Variants in HGD observed in about 807,000 individuals in gnomAD.
HGD encodes the protein homogentisate 1,2-dioxygenase.
A neutral mutation model predicts 60.8 loss-of-function variants in HGD; 61 were observed. The ratio of observed to expected loss-of-function variants is 1.00; its 90% CI spans 0.82 to 1.24. HGD has a LOEUF of 1.24. Ranked by LOEUF, HGD falls within the 50% of genes most tolerant of loss-of-function variation. HGD has a pLI of 0.00. For synonymous variants in HGD, 212 were observed against 187.7 expected, an observed-to-expected ratio of 1.13 and a Z score of -1.06; for missense variants, 542 against 547.1, an observed-to-expected ratio of 0.99 and a Z score of 0.09.
chr3:120,652,544 A>G, intron 5 of HGD, 48 bp downstream of exon 5: 3 of 1,421,516 alleles, frequency 2.1e-6, no homozygotes, highest in Middle Eastern at 1.7e-4. Context: ...CTCACTCACC[A>G]CAGAAGAGAG....
intron 10 of HGD, among the ~76,000 whole-genome samples, chr3:120,643,691 T>A (rs1941067166): frequency 6.6e-6 from 1 of 152,206 alleles, no homozygotes; most frequent in Non-Finnish European, 1.5e-5. Flanking sequence ...GATCTTTGGG[T>A]TCTTCTTATT....
At chr3:120,648,892 T>C (rs893207559) in intron 6 of HGD, among the ~76,000 whole-genome samples, 3 of 152,146 alleles carry the variant, frequency 2.0e-5, no homozygotes, top group African/African-American at 7.2e-5. Flanking sequence ...CCTGGACACA[T>C]TGGGCCTCAG....
chr3:120,643,405 T>C (rs1307881153), intron 10 of HGD, among the ~76,000 whole-genome samples: 3 of 152,236 alleles, frequency 2.0e-5, no homozygotes, highest in African/African-American at 7.2e-5. Flanking sequence ...ATTACAGGCA[T>C]GAGCCACCAT....
At chr3:120,670,151 T>A in intron 4 of HGD, 1 of 463,674 alleles carries the variant, frequency 2.2e-6, no homozygotes, top group East Asian at 4.1e-5. Context: ...GCCATGATTG[T>A]AAGTTTCTTG....
intron 5 of HGD, 37 bp downstream of exon 5, chr3:120,652,555 G>A: frequency 6.8e-7 from 1 of 1,479,302 alleles, no homozygotes; most frequent in Non-Finnish European, 9.5e-7. Context: ...CAGAAGAGAG[G>A]AGAGCAGTAG....
chr3:120,646,139 A>C, intron 9 of HGD, 128 bp downstream of exon 9: 1 of 727,490 alleles, frequency 1.4e-6, no homozygotes, highest in Non-Finnish European at 2.5e-6. Context: ...GGTCTAGAGA[A>C]GAATTTGTCT....
intron 4 of HGD, among the ~76,000 whole-genome samples, chr3:120,667,737 C>T (rs1707932891): frequency 6.6e-6 from 1 of 152,270 alleles, no homozygotes; most frequent in South Asian, 2.1e-4. Context: ...CCAGCCTACC[C>T]TGTTAACCAC....
At chr3:120,672,407 G>A (rs1402410099) in intron 3 of HGD, among the ~76,000 whole-genome samples, 1 of 152,134 alleles carries the variant, frequency 6.6e-6, no homozygotes, top group African/African-American at 2.4e-5. Flanking sequence ...CCTTTCAGAG[G>A]GTACTGCCCT....
chr3:120,678,263 G>C lies in HGD; in HGVS notation c.16-2400C>G, dbSNP rs145765736. 1.5e-3 allele frequency among the ~76,000 whole-genome samples: 236 copies of C among 152,294 alleles called. 1 individual carries two copies. The highest frequency in any genetic ancestry group is 5.2e-3 in the African/African-American group (215 of 41,552). On this transcript the variant is annotated intron_variant, in intron 1 of 13. Transcript: ENST00000283871. ...TGAACCCCATGCTCACCATCAACGGGATTGAATTTGAGCTGCTGAGAATTG... is the reference window on the plus strand; with the variant it reads ...TGAACCCCATGCTCACCATCAACGGCATTGAATTTGAGCTGCTGAGAATTG...
In HGD at chr3:120,628,486, C is replaced by A. The variant is rs1940488038; in HGVS notation, c.1232G>T (p.Trp411Leu). The A allele has an allele frequency of 6.2e-7, 1 of 1,614,050 alleles. No homozygotes were observed. The highest frequency in any genetic ancestry group is 8.5e-7 in the Non-Finnish European group (1 of 1,179,966). The stretch of plus-strand genomic sequence containing the variant: ...CAAACACCTGGAGGCCTTGAGTCCC[C>A]ACTTTGTGACCGCCAGACTTAAAGA... The part of the protein sequence containing the change: ...ESSLSLAVTK[W>L]GLKASRCLDE... The change falls in exon 14 of 14, where the codon TGG becomes TTG. Residue 411 changes from tryptophan (W) to leucine (L), a missense_variant. Trp to Leu is a moderately conservative substitution (Grantham distance 61). Coordinates refer to ENST00000283871, the MANE Select transcript of HGD (RefSeq NM_000187.4).
At position 120,633,294 on chromosome 3, in the gene HGD, T is replaced by C. The variant is rs964977117; in HGVS notation, c.1041A>G (p.Arg347=). ...CACCTTGCTTTGCCTCATAGTGACCTCGGATGAGTCCCATGAACTCACTCA... is the reference window on the plus strand; with the variant it reads ...CACCTTGCTTTGCCTCATAGTGACCCCGGATGAGTCCCATGAACTCACTCA... ...NCMSEFMGLI[R]GHYEAKQGGF... Residue 347 remains arginine (R), a synonymous_variant, in exon 13 of 14, where the codon CGA becomes CGG. Transcript: ENST00000283871. The C allele has an allele frequency of 6.2e-7, 1 of 1,614,004 alleles. No homozygotes were observed. The highest frequency in any genetic ancestry group is 1.3e-5 in the African/African-American group (1 of 74,894).
Position 120,674,998 on chromosome 3 carries a change from A to G in HGD, c.88-9T>C. On this transcript the variant is annotated splice_polypyrimidine_tract_variant and intron_variant, in intron 2 of 13. Coordinates refer to ENST00000283871, the MANE Select transcript of HGD (RefSeq NM_000187.4). Reference sequence around the variant, plus strand: ...CAGACCTGAGGATTATTCTGAAACAAAGGATGCAATAAACAATATTACTCC... The same window carrying G: ...CAGACCTGAGGATTATTCTGAAACAGAGGATGCAATAAACAATATTACTCC... The G allele has an allele frequency of 6.3e-7, 1 of 1,589,590 alleles. No homozygotes were observed. Among genetic ancestry groups the G allele is most frequent in the Non-Finnish European group, 8.6e-7 (1 of 1,158,324 alleles).
At chr3:120,649,578 C>T (rs894134319) in intron 6 of HGD, among the ~76,000 whole-genome samples, 2 of 152,072 alleles carry the variant, frequency 1.3e-5, no homozygotes, top group African/African-American at 2.4e-5. Flanking sequence ...GGCTTGCCTG[C>T]GCATTCGTGT....
In HGD at chr3:120,638,579, G is replaced by A; in HGVS notation, c.882C>T (p.Asp294=). The A allele has an allele frequency of 1.2e-6, 2 of 1,613,892 alleles. No homozygotes were observed. Among genetic ancestry groups the A allele is most frequent in the South Asian group, 1.1e-5 (1 of 91,074 alleles). ...VINSVAFDHA[D]PSIFTVLTAK... is the part of the protein sequence containing the mutation. ...CAGTCAATACTGTGAAAATGGATGG[G>A]TCCTGTGAACACACAAGGAGAGACT... The change falls in exon 12 of 14, where the codon GAC becomes GAT. Residue 294 remains aspartate (D), a splice_region_variant and synonymous_variant. Transcript: ENST00000283871.
chr3:120,665,791 C>T (rs1576311429), intron 4 of HGD, among the ~76,000 whole-genome samples: 1 of 152,108 alleles, frequency 6.6e-6, no homozygotes, highest in Admixed American at 6.5e-5. Context: ...CTTCAAATTC[C>T]CAGAGATGAC....
chr3:120,628,568 A>G (rs1940490994), intron 13 of HGD, 39 bp from the exon 14 acceptor site: 1 of 1,605,616 alleles, frequency 6.2e-7, no homozygotes, highest in Non-Finnish European at 8.5e-7. Context: ...AAAAGAGGTG[A>G]GATAGATAAT....
At chr3:120,640,612 T>C (rs1940939572) in intron 11 of HGD, among the ~76,000 whole-genome samples, 1 of 152,220 alleles carries the variant, frequency 6.6e-6, no homozygotes, top group Non-Finnish European at 1.5e-5. Context: ...AACCCAACCC[T>C]TATTGCTGTG....
intron 9 of HGD, 70 bp from the exon 10 acceptor site, chr3:120,644,513 A>T: frequency 6.2e-7 from 1 of 1,609,796 alleles, no homozygotes; most frequent in South Asian, 1.1e-5. Flanking sequence ...TGGTTGCATG[A>T]AGAGAAAGGC....
intron 13 of HGD, among the ~76,000 whole-genome samples, chr3:120,630,017 A>C (rs556518093): frequency 6.6e-6 from 1 of 152,314 alleles, no homozygotes; most frequent in African/African-American, 2.4e-5. Context: ...ATGCAATCCC[A>C]TTCACAACTG....
Sources: allele counts gnomAD v4.1 joint callset (sites outside exome capture counted in the v4.1 genomes callset), GRCh38; gene constraint gnomAD v4.1.1; transcripts MANE v1.5; gene names NCBI Gene and HGNC (gene_info 2026-07-23, HGNC 2026-07-21).